Variants in BMP6 observed in about 807,000 individuals in gnomAD.
BMP6 encodes bone morphogenetic protein 6.
BMP6 carries 17 observed loss-of-function variants against 54.1 expected under a neutral mutation model. The ratio of observed to expected loss-of-function variants is 0.31; its 90% CI spans 0.22 to 0.47. The LOEUF (loss-of-function observed/expected upper bound fraction) is 0.47, where lower values mean the gene tolerates loss of function less well. Among genes scored for constraint, BMP6 ranks in the 20% least tolerant of loss-of-function variants. The probability of loss-of-function intolerance (pLI) is 1.00; values close to 1 mark genes in which losing one functional copy is unlikely to be tolerated. For synonymous variants in BMP6, 328 were observed against 291.2 expected (o/e 1.13, Z -1.28); for missense variants, 720 against 690.4 (o/e 1.04, Z -0.48).
In BMP6 at chr6:7,727,001, G is replaced by T. The variant is rs1409682675; in HGVS notation, c.46G>T (p.Gly16Trp). Residue 16 changes from glycine (G) to tryptophan (W), a missense_variant, in exon 1 of 7, where the codon GGG (glycine) becomes TGG (tryptophan). Physicochemically the swap from Gly to Trp is radical, Grantham distance 184. Around this residue, in one of 3 missense-constraint regions of BMP6, gnomAD observed 650 missense variants for 556.3 expected, o/e 1.17. Coordinates refer to ENST00000283147, the MANE Select transcript of BMP6 (RefSeq NM_001718.6). ...GGCGCAGTGGCTGTGCTGGTGGTGG[G>T]GGCTGCTGTGCAGCTGCTGCGGGCC... ...RRAQWLCWWWGLLCSCCGPPP... is the reference protein window; with the variant it reads ...RRAQWLCWWWWLLCSCCGPPP... The T allele has an allele frequency of 2.2e-5, 25 of 1,134,138 alleles. No homozygotes were observed. Among genetic ancestry groups the T allele is most frequent in the Admixed American group, 1.5e-4 (3 of 20,360 alleles). The allele number at this position is 1,134,138 out of a possible 1,614,324, so 70.3% of individuals were successfully genotyped here. A position where few individuals can be genotyped will look rare whatever the true frequency, so the allele number is the denominator to read the frequency against.
intron 1 of BMP6, among the ~76,000 whole-genome samples, chr6:7,827,561 T>C (rs1167845972): frequency 3.3e-5 from 5 of 152,050 alleles, no homozygotes; most frequent in Non-Finnish European, 2.9e-5. Flanking sequence ...TTTCCTAAAC[T>C]CAATCCTGCA....
rs1015969338 is a variant in BMP6, at chr6:7,861,302, T to C, written c.858-149T>C. The C allele has an allele frequency of 3.3e-5, 34 of 1,035,172 alleles. No individual in the cohort carries two copies. In the African/African-American group the frequency reaches 5.1e-4, roughly 16 times the overall value. 64.1% of individuals were successfully genotyped at this position (1,035,172 alleles called of 1,614,324 possible). ...CTGTGTCCTGGGTGGTACCACGCCTTTCAGGGCTATGGCAAGTCACTGTGC... is the reference window on the plus strand; with the variant it reads ...CTGTGTCCTGGGTGGTACCACGCCTCTCAGGGCTATGGCAAGTCACTGTGC... On this transcript the variant is annotated intron_variant, in intron 2 of 6. Coordinates refer to ENST00000283147, the MANE Select transcript of BMP6 (RefSeq NM_001718.6).
intron 1 of BMP6, among the ~76,000 whole-genome samples, chr6:7,788,253 G>C (rs999845009): frequency 1.1e-4 from 16 of 152,158 alleles, no homozygotes; most frequent in African/African-American, 3.9e-4. Context: ...AATTATTTGA[G>C]GGCATTAGTG....
chr6:7,780,393 C>G (rs750062650), intron 1 of BMP6, among the ~76,000 whole-genome samples: 1 of 152,012 alleles, frequency 6.6e-6, no homozygotes, highest in African/African-American at 2.4e-5. Context: ...ACTGAAAATA[C>G]AAAAAATTAG....
chr6:7,733,933 G>A (rs1016360697), intron 1 of BMP6, among the ~76,000 whole-genome samples: 1 of 151,932 alleles, frequency 6.6e-6, no homozygotes, highest in Non-Finnish European at 1.5e-5. Context: ...AGTTTCGAGA[G>A]TACCAGAAAT....
intron 1 of BMP6, among the ~76,000 whole-genome samples, chr6:7,730,434 A>C (rs921854216): frequency 6.6e-6 from 1 of 152,216 alleles, no homozygotes; most frequent in Non-Finnish European, 1.5e-5. Context: ...CAAGCCCCTC[A>C]TATTCCTATC....
chr6:7,801,385 G>A (rs920867756), intron 1 of BMP6, among the ~76,000 whole-genome samples: 2 of 152,224 alleles, frequency 1.3e-5, no homozygotes, highest in Non-Finnish European at 2.9e-5. Flanking sequence ...AGTTAGTGAC[G>A]CTCGGGTGGA....
intron 1 of BMP6, among the ~76,000 whole-genome samples, chr6:7,813,661 A>C (rs1313966499): frequency 1.4e-5 from 2 of 145,352 alleles, no homozygotes; most frequent in African/African-American, 5.1e-5. Flanking sequence ...AAAAAAAAAA[A>C]AAAAAAAACC....
At chr6:7,733,382 C>T (rs1375559607) in intron 1 of BMP6, among the ~76,000 whole-genome samples, 1 of 152,170 alleles carries the variant, frequency 6.6e-6, no homozygotes, top group African/African-American at 2.4e-5. Context: ...TTTTGTTTTT[C>T]ACTAGTTTTC....
At chr6:7,759,796 C>T in intron 1 of BMP6, among the ~76,000 whole-genome samples, 1 of 148,904 alleles carries the variant, frequency 6.7e-6, no homozygotes, top group Non-Finnish European at 1.5e-5. Context: ...CTCTGCCTCC[C>T]AGGTTCAAGC....
chr6:7,797,823 T>C (rs1758213153), intron 1 of BMP6, among the ~76,000 whole-genome samples: 2 of 152,242 alleles, frequency 1.3e-5, no homozygotes, highest in African/African-American at 4.8e-5. Flanking sequence ...AAATTTATTC[T>C]AGATTCTACC....
intron 2 of BMP6, among the ~76,000 whole-genome samples, chr6:7,851,475 C>T (rs905991675): frequency 1.3e-5 from 2 of 152,080 alleles, no homozygotes; most frequent in Non-Finnish European, 2.9e-5. Flanking sequence ...CATGTTAATT[C>T]GAATAGTTTT....
intron 1 of BMP6, among the ~76,000 whole-genome samples, chr6:7,776,942 C>G (rs1273033074): frequency 6.6e-6 from 1 of 152,234 alleles, no homozygotes; most frequent in African/African-American, 2.4e-5. Flanking sequence ...AAAAATACTG[C>G]TCAGTCTGGC....
In BMP6 at chr6:7,827,117, T is replaced by C. The variant is rs75347789; in HGVS notation, c.665-18023T>C. ...CCCAACCTGCGGAAAGGCCTTTTTG[T>C]TGATCTCATCAATCTGTGATTTGAG... On this transcript the variant is annotated intron_variant, in intron 1 of 6. Transcript: ENST00000283147. 8.4e-3 allele frequency among the ~76,000 whole-genome samples: 1,275 copies of C among 152,352 alleles called. 23 individuals carry two copies. Among genetic ancestry groups the C allele is most frequent in the African/African-American group, 0.029 (1,224 of 41,578 alleles).
chr6:7,878,062 A>T (rs968660055), intron 4 of BMP6, among the ~76,000 whole-genome samples: 3 of 151,876 alleles, frequency 2.0e-5, no homozygotes, highest in African/African-American at 7.3e-5. Flanking sequence ...ACACATCCTT[A>T]AATCCATTCC....
intron 1 of BMP6, among the ~76,000 whole-genome samples, chr6:7,807,312 A>G (rs1758361150): frequency 6.6e-6 from 1 of 151,906 alleles, no homozygotes; most frequent in African/African-American, 2.4e-5. Flanking sequence ...TGTTTGTTTG[A>G]GACAGATTTT....
chr6:7,791,273 G>A (rs1303908387), intron 1 of BMP6, among the ~76,000 whole-genome samples: 4 of 152,132 alleles, frequency 2.6e-5, no homozygotes, highest in Non-Finnish European at 5.9e-5. Context: ...GACTTTGGAC[G>A]ATCCTAAAGC....
At chr6:7,807,571 G>A (rs186979075) in intron 1 of BMP6, among the ~76,000 whole-genome samples, 9 of 152,240 alleles carry the variant, frequency 5.9e-5, no homozygotes, top group East Asian at 3.9e-4. Context: ...GAGCCCACGC[G>A]CCCGGCCGGG....
intron 1 of BMP6, among the ~76,000 whole-genome samples, chr6:7,744,041 G>A (rs910764299): frequency 6.6e-6 from 1 of 152,160 alleles, no homozygotes; most frequent in Non-Finnish European, 1.5e-5. Context: ...GGAAAAAGGG[G>A]AAGGTTTTAC....
Sources: gnomAD v4.1 joint callset for allele counts (sites outside exome capture counted in the v4.1 genomes callset) on GRCh38, gnomAD v4.1.1 for gene constraint, gnomAD v4.1.1 regional missense constraint, MANE v1.5 for transcripts, NCBI Gene and HGNC (gene_info 2026-07-23, HGNC 2026-07-21) for gene names.